ZNF385B: variants seen among roughly 807,000 people sequenced by gnomAD.
ZNF385B encodes zinc finger protein 533.
In ZNF385B, 23 loss-of-function variants were observed where a neutral mutation model predicts 39.2. The ratio of observed to expected loss-of-function variants is 0.59; its 90% CI spans 0.42 to 0.83. ZNF385B has a LOEUF of 0.83. Among genes scored for constraint, ZNF385B ranks in the 40% least tolerant of loss-of-function variants. The pLI, the probability that ZNF385B is intolerant of heterozygous loss-of-function variation, is 0.00. For synonymous variants in ZNF385B, 205 were observed against 222.6 expected, an observed-to-expected ratio of 0.92 and a Z score of 0.70; for missense variants, 552 against 598.9, an observed-to-expected ratio of 0.92 and a Z score of 0.82.
chr2:179,443,282 T>C lies in ZNF385B; in HGVS notation c.1429A>G (p.Thr477Ala). The change falls in exon 10 of 10, where the codon ACT becomes GCT. Residue 477 changes from threonine (T) to alanine (A), a missense_variant. Physicochemically the swap from Thr to Ala is moderately conservative, Grantham distance 58. Transcript: ENST00000410066. ...GGAGCAAAGAGGATGGAGGCAGGAG[T>C]GGCGCGGATGGGCCCATGCCCAGGC... Reference protein sequence around the residue: ...LRPGHGPIRATPASILFAPY With the variant: ...LRPGHGPIRAAPASILFAPY 1 of 1,612,206 alleles carries C rather than the reference T, an allele frequency of 6.2e-7. No homozygotes were observed. The highest frequency in any genetic ancestry group is 8.5e-7 in the Non-Finnish European group (1 of 1,179,962).
At chr2:179,844,637 G>C (rs1176315927) in intron 1 of ZNF385B, among the ~76,000 whole-genome samples, 2 of 152,056 alleles carry the variant, frequency 1.3e-5, no homozygotes, top group Non-Finnish European at 2.9e-5. Flanking sequence ...TCAGCCAAAA[G>C]AATTATCTGA....
At chr2:179,751,778 T>A (rs1702690895) in intron 3 of ZNF385B, among the ~76,000 whole-genome samples, 1 of 152,090 alleles carries the variant, frequency 6.6e-6, no homozygotes, top group Non-Finnish European at 1.5e-5. Context: ...AATCCTGCTG[T>A]CCATTCCCAC....
chr2:179,809,380 C>T (rs1462333165), intron 1 of ZNF385B, among the ~76,000 whole-genome samples: 1 of 152,124 alleles, frequency 6.6e-6, no homozygotes, highest in African/African-American at 2.4e-5. Flanking sequence ...ATAGCTTATT[C>T]TATTTTGTAT....
At chr2:179,517,724 T>C (rs1285157347) in intron 5 of ZNF385B, among the ~76,000 whole-genome samples, 1 of 152,160 alleles carries the variant, frequency 6.6e-6, no homozygotes, top group African/African-American at 2.4e-5. Context: ...ACATCGGTCA[T>C]TGGCTTTACT....
intron 2 of ZNF385B, among the ~76,000 whole-genome samples, chr2:179,770,294 G>A (rs530472576): frequency 1.8e-4 from 28 of 152,230 alleles, no homozygotes; most frequent in Non-Finnish European, 2.9e-4. Flanking sequence ...CAGTCACCTC[G>A]TCTCTGGATA....
chr2:179,714,929 C>T (rs966519477), intron 3 of ZNF385B, among the ~76,000 whole-genome samples: 9 of 79,676 alleles, frequency 1.1e-4, no homozygotes, highest in South Asian at 5.8e-4. Context: ...GGTAACAAAG[C>T]GAGATTCTAT....
At chr2:179,721,140 T>C (rs1010615128) in intron 3 of ZNF385B, among the ~76,000 whole-genome samples, 6 of 151,922 alleles carry the variant, frequency 3.9e-5, no homozygotes, top group African/African-American at 9.7e-5. Flanking sequence ...AAAAGGTAAG[T>C]AATGATAAAA....
At chr2:179,632,637 A>G (rs1575040258) in intron 3 of ZNF385B, among the ~76,000 whole-genome samples, 1 of 152,320 alleles carries the variant, frequency 6.6e-6, no homozygotes, top group East Asian at 1.9e-4. Context: ...TCACAATTGA[A>G]AGAACTAGAG....
At chr2:179,660,379 T>C (rs1031821575) in intron 3 of ZNF385B, among the ~76,000 whole-genome samples, 3 of 152,208 alleles carry the variant, frequency 2.0e-5, no homozygotes, top group African/African-American at 7.2e-5. Flanking sequence ...GAGTTTGAGA[T>C]GTAAATTCTG....
At chr2:179,452,732 G>A (rs901228172) in intron 6 of ZNF385B, among the ~76,000 whole-genome samples, 3 of 151,882 alleles carry the variant, frequency 2.0e-5, no homozygotes, top group Non-Finnish European at 4.4e-5. Context: ...AAAAAATGAA[G>A]TCAGACAAAA....
intron 5 of ZNF385B, among the ~76,000 whole-genome samples, chr2:179,507,836 T>A (rs543746018): frequency 6.6e-6 from 1 of 152,252 alleles, no homozygotes; most frequent in South Asian, 2.1e-4. Context: ...TACTTCCTCA[T>A]ATGCTGTCTC....
At chr2:179,464,104 A>G (rs1424604491) in intron 6 of ZNF385B, among the ~76,000 whole-genome samples, 2 of 152,354 alleles carry the variant, frequency 1.3e-5, no homozygotes, top group East Asian at 3.9e-4. Context: ...ATGACCAGTG[A>G]TGATGAGCAT....
At chr2:179,493,389 A>G (rs1011940404) in intron 5 of ZNF385B, among the ~76,000 whole-genome samples, 1 of 151,442 alleles carries the variant, frequency 6.6e-6, no homozygotes, top group Non-Finnish European at 1.5e-5. Flanking sequence ...GCGCACATAT[A>G]TGTATGCATA....
intron 3 of ZNF385B, among the ~76,000 whole-genome samples, chr2:179,766,030 TCACACACACACACACA>T (rs71029829): frequency 7.1e-6 from 1 of 140,832 alleles, no homozygotes; most frequent in South Asian, 2.4e-4. Flanking sequence ...GGTACATTGA[TCACACACACACACACA>T]CACACACACA....
rs981569251 is a variant in ZNF385B, at chr2:179,797,877, G to A, written c.-154-27205C>T. On this transcript the variant is annotated intron_variant, in intron 1 of 9. Transcript: ENST00000410066. The stretch of plus-strand genomic sequence containing the variant: ...TCATTACCTCAATCTGTTATTGTGC[G>A]ATAGTAATACTCTAATCCTACCATT... 5.3e-5 allele frequency among the ~76,000 whole-genome samples: 8 copies of A among 152,040 alleles called. No homozygotes were observed. In the East Asian group the frequency reaches 5.8e-4, roughly 11 times the overall value.
intron 3 of ZNF385B, among the ~76,000 whole-genome samples, chr2:179,616,492 C>T (rs1215041872): frequency 2.0e-5 from 3 of 151,920 alleles, no homozygotes; most frequent in African/African-American, 7.3e-5. Flanking sequence ...TGTCACCACG[C>T]CGGGCTAATT....
chr2:179,648,846 G>A (rs948615388), intron 3 of ZNF385B, among the ~76,000 whole-genome samples: 1 of 152,034 alleles, frequency 6.6e-6, no homozygotes, highest in Admixed American at 6.6e-5. Flanking sequence ...AAAACAGGAA[G>A]CCATCATCCA....
chr2:179,827,527 A>C (rs1273885786), intron 1 of ZNF385B, among the ~76,000 whole-genome samples: 2 of 152,176 alleles, frequency 1.3e-5, no homozygotes, highest in African/African-American at 4.8e-5. Flanking sequence ...ATAAATAATT[A>C]TTTATTTGAA....
Position 179,709,637 on chromosome 2 carries a change from C to T in ZNF385B, c.298+59866G>A, listed in dbSNP as rs113067076. 5.1e-3 allele frequency among the ~76,000 whole-genome samples: 777 copies of T among 152,266 alleles called. 8 individuals carry two copies. The highest frequency in any genetic ancestry group is 0.018 in the African/African-American group (740 of 41,544). Reference sequence around the variant, plus strand: ...AAGATGACACTGGGGACAATGTACCCTTTGAGCCACAGTGAAGAACTGGGG... The same window carrying T: ...AAGATGACACTGGGGACAATGTACCTTTTGAGCCACAGTGAAGAACTGGGG... On this transcript the variant is annotated intron_variant, in intron 3 of 9. Coordinates refer to ENST00000410066, the MANE Select transcript of ZNF385B (RefSeq NM_152520.6).
Sources: allele counts gnomAD v4.1 joint callset (sites outside exome capture counted in the v4.1 genomes callset), GRCh38; gene constraint gnomAD v4.1.1; transcripts MANE v1.5; gene names NCBI Gene and HGNC (gene_info 2026-07-23, HGNC 2026-07-21).